KGD4: variants seen among roughly 807,000 people sequenced by gnomAD.
KGD4 encodes the protein alpha-ketoglutarate dehydrogenase component 4.
At chr5:69,227,486 C>T in the KGD4 span, among the ~76,000 whole-genome samples, 1 of 152,066 alleles carries the variant, frequency 6.6e-6, no homozygotes, top group East Asian at 1.9e-4. Flanking sequence ...CTGATTCCCG[C>T]CCTTTTTTAA....
the KGD4 span, chr5:69,228,205 G>T: frequency 6.5e-7 from 1 of 1,531,348 alleles, no homozygotes; most frequent in Non-Finnish European, 8.7e-7. Flanking sequence ...TTCAGTATCA[G>T]AAGCTTTGAG....
chr5:69,222,568 C>T, the KGD4 span, among the ~76,000 whole-genome samples: 1 of 152,006 alleles, frequency 6.6e-6, no homozygotes, highest in African/African-American at 2.4e-5. Context: ...TTTCAAACTT[C>T]TTTTTTTTCT....
the KGD4 span, among the ~76,000 whole-genome samples, chr5:69,223,264 A>G: frequency 2.0e-5 from 3 of 151,210 alleles, no homozygotes. Context: ...TATTTTTAGT[A>G]GAGACGGGGT....
the KGD4 span, among the ~76,000 whole-genome samples, chr5:69,219,954 G>A: frequency 6.6e-6 from 1 of 152,178 alleles, no homozygotes; most frequent in African/African-American, 2.4e-5. Flanking sequence ...TTTAGGCCAG[G>A]CTCACTGATG....
chr5:69,224,966 C>T, the KGD4 span, among the ~76,000 whole-genome samples: 13 of 150,372 alleles, frequency 8.6e-5, no homozygotes, highest in Non-Finnish European at 1.6e-4. Context: ...CCCAGCTACT[C>T]GGGAGGCTGG....
At chr5:69,217,794 C>G in the KGD4 span, 1 of 1,612,966 alleles carries the variant, frequency 6.2e-7, no homozygotes, top group Non-Finnish European at 8.5e-7. Flanking sequence ...CGCCGCGGCT[C>G]GCTCGCGCCC....
chr5:69,226,296 A>C, the KGD4 span: 1 of 1,341,044 alleles, frequency 7.5e-7, no homozygotes, highest in Admixed American at 1.9e-5. Flanking sequence ...CATTTCTTTT[A>C]GTTAATGAGA....
At chr5:69,221,104 T>A in the KGD4 span, among the ~76,000 whole-genome samples, 1 of 151,878 alleles carries the variant, frequency 6.6e-6, no homozygotes, top group Non-Finnish European at 1.5e-5. Flanking sequence ...CACGTGTTTA[T>A]CTGCTGACCT....
chr5:69,220,735 C>T, the KGD4 span, among the ~76,000 whole-genome samples: 1 of 151,090 alleles, frequency 6.6e-6, no homozygotes, highest in Non-Finnish European at 1.5e-5. Flanking sequence ...GCGGTTTTGT[C>T]GAAAAGAAAA....
chr5:69,225,486 C>T, the KGD4 span, among the ~76,000 whole-genome samples: 3 of 151,282 alleles, frequency 2.0e-5, no homozygotes, highest in Non-Finnish European at 4.4e-5. Flanking sequence ...AGGCTGCTCT[C>T]GAACTCCTGA....
At chr5:69,223,776 C>A in the KGD4 span, among the ~76,000 whole-genome samples, 1 of 152,166 alleles carries the variant, frequency 6.6e-6, no homozygotes, top group South Asian at 2.1e-4. Flanking sequence ...AATATGTATT[C>A]CAGGCCAGGC....
chr5:69,224,609 G>A, the KGD4 span, among the ~76,000 whole-genome samples: 1 of 151,948 alleles, frequency 6.6e-6, no homozygotes, highest in African/African-American at 2.4e-5. Context: ...AACAAGTCAG[G>A]AGGCCAGGTG....
chr5:69,223,941 G>A, the KGD4 span, among the ~76,000 whole-genome samples: 1 of 151,522 alleles, frequency 6.6e-6, no homozygotes, highest in South Asian at 2.1e-4. Context: ...GCGGAGGCAG[G>A]AGAATCACTT....
chr5:69,220,162 G>A, the KGD4 span, among the ~76,000 whole-genome samples: 1 of 151,906 alleles, frequency 6.6e-6, no homozygotes, highest in Non-Finnish European at 1.5e-5. Flanking sequence ...GGGTGATCAA[G>A]GCTACAGTGA....
the KGD4 span, among the ~76,000 whole-genome samples, chr5:69,223,819 G>A: frequency 2.0e-5 from 3 of 152,008 alleles, no homozygotes; most frequent in Admixed American, 1.3e-4. Flanking sequence ...CCAGCACTTT[G>A]GGAGGCCGTT....
the KGD4 span, among the ~76,000 whole-genome samples, chr5:69,220,924 A>C: frequency 6.6e-6 from 1 of 152,186 alleles, no homozygotes; most frequent in Non-Finnish European, 1.5e-5. Flanking sequence ...GTGTCCACTC[A>C]GGGTTAAATG....
At chr5:69,224,659 A>AATTT in the KGD4 span, among the ~76,000 whole-genome samples, 1 of 151,896 alleles carries the variant, frequency 6.6e-6, no homozygotes, top group Non-Finnish European at 1.5e-5. Flanking sequence ...TTGGGAGGCT[A>AATTT]AGGCAAGAAG....
chr5:69,226,530 T>C, the KGD4 span: 1 of 654,710 alleles, frequency 1.5e-6, no homozygotes. Flanking sequence ...ATCAAAATAG[T>C]GCCTTATGTA....
chr5:69,221,629 A>C, the KGD4 span, among the ~76,000 whole-genome samples: 4 of 152,208 alleles, frequency 2.6e-5, no homozygotes, highest in Admixed American at 6.5e-5. Flanking sequence ...TGGATCCTAG[A>C]CCTAAATGCA....
Sources: allele counts gnomAD v4.1 joint callset (sites outside exome capture counted in the v4.1 genomes callset), GRCh38; gene constraint gnomAD v4.1.1; transcripts MANE v1.5; gene names NCBI Gene and HGNC (gene_info 2026-07-23, HGNC 2026-07-21).